Variants in SNTG1 observed in about 807,000 individuals in gnomAD.
The protein encoded by SNTG1 is syntrophin gamma 1, also known as gamma-1-syntrophin.
SNTG1 carries 39 observed loss-of-function variants against 74.7 expected under a neutral mutation model. The observed-to-expected ratio is 0.52, with a 90% CI of 0.40 to 0.68. The LOEUF is 0.68. Ranked by LOEUF, SNTG1 falls within the 30% of genes least tolerant of loss-of-function variation. SNTG1 has a pLI of 0.00. For synonymous variants in SNTG1, 254 were observed against 217.1 expected, an observed-to-expected ratio of 1.17 and a Z score of -1.49; for missense variants, 685 against 609.5, an observed-to-expected ratio of 1.12 and a Z score of -1.30.
chr8:50,107,616 T>C (rs2080425265), intron 1 of SNTG1, among the ~76,000 whole-genome samples: 1 of 152,042 alleles, frequency 6.6e-6, no homozygotes, highest in East Asian at 1.9e-4. Flanking sequence ...AGTGGCATGA[T>C]CTTGGCTCAC....
intron 17 of SNTG1, among the ~76,000 whole-genome samples, chr8:50,726,940 A>G (rs1307758309): frequency 6.6e-6 from 1 of 152,204 alleles, no homozygotes; most frequent in Non-Finnish European, 1.5e-5. Context: ...CTTAACAAGG[A>G]TTTAAATCTG....
intron 9 of SNTG1, among the ~76,000 whole-genome samples, chr8:50,526,023 A>G (rs138427653): frequency 1.3e-3 from 197 of 152,194 alleles, no homozygotes; most frequent in African/African-American, 4.5e-3. Context: ...GTGTCTCCCA[A>G]ACATTTTCAG....
chr8:50,716,645 T>C (rs1402665581), intron 17 of SNTG1, among the ~76,000 whole-genome samples: 1 of 152,116 alleles, frequency 6.6e-6, no homozygotes, highest in Non-Finnish European at 1.5e-5. Context: ...AACAAAAAAG[T>C]ATTTTGAATG....
At chr8:50,050,653 T>C (rs981372193) in intron 1 of SNTG1, among the ~76,000 whole-genome samples, 12 of 151,866 alleles carry the variant, frequency 7.9e-5, no homozygotes, top group African/African-American at 2.9e-4. Flanking sequence ...TCTTTGAAAA[T>C]ACAAGAGGAG....
At chr8:50,645,394 G>T (rs2095102130) in intron 13 of SNTG1, among the ~76,000 whole-genome samples, 1 of 151,810 alleles carries the variant, frequency 6.6e-6, no homozygotes, top group Non-Finnish European at 1.5e-5. Flanking sequence ...AACATATTAA[G>T]CATGATAGTT....
In SNTG1 at chr8:50,624,349, A is replaced by G. The variant is rs182075081; in HGVS notation, c.850-32560A>G. ...AAAAAAAATTATATTTTTTTTCAAC[A>G]ATAGCAAGTAGCTTTTTATAATTTT... On this transcript the variant is annotated intron_variant, in intron 13 of 18. Coordinates refer to ENST00000642720, the MANE Select transcript of SNTG1 (RefSeq NM_018967.5). 1.5e-3 allele frequency among the ~76,000 whole-genome samples: 228 copies of G among 151,976 alleles called. 1 individual carries two copies. The highest frequency in any genetic ancestry group is 5.3e-3 in the African/African-American group (218 of 41,376).
intron 1 of SNTG1, among the ~76,000 whole-genome samples, chr8:50,054,715 A>G (rs566491950): frequency 4.6e-5 from 7 of 152,224 alleles, no homozygotes; most frequent in African/African-American, 1.7e-4. Flanking sequence ...TCCGTTCCCC[A>G]AGCTAGAGTG....
chr8:50,325,168 T>G (rs1273125480), intron 2 of SNTG1, among the ~76,000 whole-genome samples: 1 of 151,344 alleles, frequency 6.6e-6, no homozygotes, highest in African/African-American at 2.4e-5. Flanking sequence ...AGTCAATCCT[T>G]CAACTTTGTT....
intron 12 of SNTG1, among the ~76,000 whole-genome samples, chr8:50,563,389 C>T (rs1276179057): frequency 1.3e-5 from 2 of 152,130 alleles, no homozygotes; most frequent in African/African-American, 2.4e-5. Flanking sequence ...AAGAGATTCA[C>T]ATGTACTACT....
chr8:50,048,651 C>T (rs1161075799), intron 1 of SNTG1, among the ~76,000 whole-genome samples: 1 of 152,006 alleles, frequency 6.6e-6, no homozygotes, highest in Non-Finnish European at 1.5e-5. Context: ...AGTTTTTTCA[C>T]TTAATTTATT....
intron 1 of SNTG1, among the ~76,000 whole-genome samples, chr8:50,145,213 T>C (rs1157318153): frequency 1.3e-5 from 2 of 152,110 alleles, no homozygotes; most frequent in East Asian, 3.9e-4. Flanking sequence ...ATTGAGGGAT[T>C]GAGGAGACTC....
chr8:50,782,137 A>AT (rs1282772553), intron 18 of SNTG1, among the ~76,000 whole-genome samples: 1 of 151,930 alleles, frequency 6.6e-6, no homozygotes, highest in Non-Finnish European at 1.5e-5. Flanking sequence ...TGCCCATAAC[A>AT]TTTTTTCCTT....
intron 1 of SNTG1, among the ~76,000 whole-genome samples, chr8:49,958,698 C>A (rs1477650900): frequency 5.9e-5 from 9 of 152,274 alleles, no homozygotes; most frequent in African/African-American, 1.7e-4. Context: ...GGATTACAGG[C>A]GTGAGCCACT....
chr8:50,538,608 T>C (rs1219289602), intron 11 of SNTG1, among the ~76,000 whole-genome samples: 1 of 152,126 alleles, frequency 6.6e-6, no homozygotes, highest in Non-Finnish European at 1.5e-5. Context: ...CTTTTTTTTC[T>C]TTTCTTTTCT....
intron 8 of SNTG1, among the ~76,000 whole-genome samples, chr8:50,467,366 T>C (rs558429219): frequency 1.1e-4 from 17 of 152,022 alleles, no homozygotes; most frequent in Non-Finnish European, 1.8e-4. Context: ...TTTTGTATTA[T>C]CTATTTCTTC....
chr8:50,756,901 TA>T (rs752058797), intron 18 of SNTG1, among the ~76,000 whole-genome samples: 54 of 151,922 alleles, frequency 3.6e-4, no homozygotes, highest in Admixed American at 2.8e-3. Flanking sequence ...TCCATGAATA[TA>T]AAATATATTC....
intron 1 of SNTG1, among the ~76,000 whole-genome samples, chr8:49,981,475 A>C (rs1194694949): frequency 5.3e-5 from 8 of 152,148 alleles, no homozygotes; most frequent in African/African-American, 1.9e-4. Context: ...ATTTAGATTT[A>C]CAGTAGTGCA....
intron 2 of SNTG1, among the ~76,000 whole-genome samples, chr8:50,348,632 T>C (rs951295267): frequency 1.3e-5 from 2 of 152,208 alleles, no homozygotes; most frequent in African/African-American, 4.8e-5. Context: ...CAGAATACTT[T>C]CTATGTTCAT....
intron 1 of SNTG1, among the ~76,000 whole-genome samples, chr8:50,092,639 C>A (rs2079781996): frequency 6.6e-6 from 1 of 152,162 alleles, no homozygotes; most frequent in Non-Finnish European, 1.5e-5. Flanking sequence ...GTCAGCCTTG[C>A]ATCATGGATT....
Sources: gnomAD v4.1 joint callset for allele counts (sites outside exome capture counted in the v4.1 genomes callset) on GRCh38, gnomAD v4.1.1 for gene constraint, MANE v1.5 for transcripts, NCBI Gene and HGNC (gene_info 2026-07-23, HGNC 2026-07-21) for gene names.